Variants in PRELID2 observed in about 807,000 individuals in gnomAD.
PRELID2 encodes PRELI domain containing 2.
PRELID2 carries 25 observed loss-of-function variants against 28.4 expected under a neutral mutation model. The ratio of observed to expected loss-of-function variants is 0.88; its 90% CI spans 0.64 to 1.23. PRELID2 has a LOEUF of 1.23. Among genes scored for constraint, PRELID2 ranks in the 50% most tolerant of loss-of-function variants. PRELID2 has a pLI of 0.00. For missense variants in PRELID2, 201 were observed against 214.4 expected (o/e 0.94, Z 0.39); for synonymous variants, 76 against 71.6 (o/e 1.06, Z -0.31).
At chr5:145,320,931 C>T in the PRELID2 span, among the ~76,000 whole-genome samples, 10 of 152,232 alleles carry the variant, frequency 6.6e-5, no homozygotes, top group South Asian at 1.5e-3. Flanking sequence ...ATATGCTCAG[C>T]GTAGTACTAA....
chr5:145,377,255 G>T, the PRELID2 span, among the ~76,000 whole-genome samples: 2 of 152,098 alleles, frequency 1.3e-5, no homozygotes, highest in Non-Finnish European at 2.9e-5. Flanking sequence ...CTGACAGATT[G>T]TTTGTTATGA....
intron 1 of PRELID2, among the ~76,000 whole-genome samples, chr5:145,476,710 TA>T (rs1752105512): frequency 1.3e-5 from 2 of 152,192 alleles, no homozygotes; most frequent in African/African-American, 4.8e-5. Context: ...CTTGCAATTT[TA>T]AAAAAGAATG....
intron 5 of PRELID2, among the ~76,000 whole-genome samples, chr5:145,771,932 C>T (rs866856923): frequency 3.9e-5 from 6 of 151,914 alleles, no homozygotes; most frequent in Non-Finnish European, 8.8e-5. Context: ...GAGGAAAGGG[C>T]GAAGGGATCT....
the PRELID2 span, among the ~76,000 whole-genome samples, chr5:145,369,591 T>G: frequency 6.6e-6 from 1 of 152,174 alleles, no homozygotes; most frequent in East Asian, 1.9e-4. Flanking sequence ...TATATGTGAA[T>G]GCATCTTTAT....
the PRELID2 span, among the ~76,000 whole-genome samples, chr5:145,337,355 C>A: frequency 6.6e-6 from 1 of 151,458 alleles, no homozygotes. Context: ...CCACACACAC[C>A]AACCAATTTT....
intron 4 of PRELID2, among the ~76,000 whole-genome samples, chr5:145,805,522 C>T (rs340034): frequency 0.027 from 4,073 of 152,130 alleles, 184 homozygotes; most frequent in African/African-American, 0.094. Context: ...CCCAGGGATA[C>T]AAAACTAGAA....
At chr5:145,396,595 T>C in the PRELID2 span, among the ~76,000 whole-genome samples, 1 of 152,070 alleles carries the variant, frequency 6.6e-6, no homozygotes, top group African/African-American at 2.4e-5. Flanking sequence ...TTGCCAAGCC[T>C]TGAACTAGAC....
chr5:145,487,588 G>C (rs973436974), intron 1 of PRELID2, among the ~76,000 whole-genome samples: 1 of 152,108 alleles, frequency 6.6e-6, no homozygotes, highest in Non-Finnish European at 1.5e-5. Flanking sequence ...TGATGAGTTG[G>C]AGAGGGTCAT....
intron 1 of PRELID2, among the ~76,000 whole-genome samples, chr5:145,610,331 AG>A (rs1225477262): frequency 6.6e-6 from 1 of 152,148 alleles, no homozygotes; most frequent in African/African-American, 2.4e-5. Flanking sequence ...ATCCGCCTGC[AG>A]GGTTAGTGTT....
At chr5:145,431,274 C>T in the PRELID2 span, among the ~76,000 whole-genome samples, 9 of 151,870 alleles carry the variant, frequency 5.9e-5, no homozygotes, top group Admixed American at 5.9e-4. Context: ...GTTCTAGAAA[C>T]ATGTTTCAGC....
intron 1 of PRELID2, among the ~76,000 whole-genome samples, chr5:145,632,144 C>A (rs1753941808): frequency 6.6e-6 from 1 of 152,140 alleles, no homozygotes; most frequent in African/African-American, 2.4e-5. Context: ...ATCCATTGTT[C>A]TGCCTCAAAC....
At chr5:145,597,859 C>T (rs943141631) in intron 1 of PRELID2, among the ~76,000 whole-genome samples, 1 of 152,098 alleles carries the variant, frequency 6.6e-6, no homozygotes, top group African/African-American at 2.4e-5. Context: ...CAATGAATTG[C>T]ATTGAGTAAG....
chr5:145,252,268 T>C, the PRELID2 span, among the ~76,000 whole-genome samples: 3 of 152,134 alleles, frequency 2.0e-5, no homozygotes, highest in Non-Finnish European at 4.4e-5. Context: ...TCGTCTATTA[T>C]GCTTGCTAAA....
At chr5:145,597,953 C>G (rs1163657633) in intron 1 of PRELID2, among the ~76,000 whole-genome samples, 1 of 152,058 alleles carries the variant, frequency 6.6e-6, no homozygotes, top group Non-Finnish European at 1.5e-5. Context: ...AACTATGCAT[C>G]AAAACCAGAT....
the PRELID2 span, among the ~76,000 whole-genome samples, chr5:145,282,505 G>A: frequency 1.3e-5 from 2 of 151,442 alleles, no homozygotes; most frequent in African/African-American, 4.9e-5. Flanking sequence ...TGACTTCTGA[G>A]ACAGCTCTTC....
chr5:145,568,484 A>G lies in PRELID2; in HGVS notation n.71-95169T>C, dbSNP rs569174551. Among the ~76,000 whole-genome samples, 14 of 152,368 alleles carry G rather than the reference A, an allele frequency of 9.2e-5. No individual in the cohort carries two copies. In the East Asian group the frequency reaches 1.7e-3, roughly 19 times the overall value. On this transcript the variant is annotated intron_variant and non_coding_transcript_variant, in intron 1 of 2. Transcript: ENST00000510259. Reference sequence around the variant, plus strand: ...CTAATTAGATCAGCGATCATAATGGAAAAACTTGCTTCAGGAGGAACTTGC... The same window carrying G: ...CTAATTAGATCAGCGATCATAATGGGAAAACTTGCTTCAGGAGGAACTTGC...
At chr5:145,307,678 C>T in the PRELID2 span, among the ~76,000 whole-genome samples, 1 of 152,094 alleles carries the variant, frequency 6.6e-6, no homozygotes, top group African/African-American at 2.4e-5. Flanking sequence ...ATGGAGCCCA[C>T]CAGTTTGGCT....
the PRELID2 span, among the ~76,000 whole-genome samples, chr5:145,299,550 A>G: frequency 1.8e-3 from 271 of 151,912 alleles, no homozygotes; most frequent in African/African-American, 6.1e-3. Flanking sequence ...TGCACTGTGT[A>G]TGTCCTGACA....
the PRELID2 span, among the ~76,000 whole-genome samples, chr5:145,456,110 G>T: frequency 1.3e-5 from 2 of 152,174 alleles, no homozygotes; most frequent in African/African-American, 4.8e-5. Context: ...GCTACTAAAG[G>T]TGACTGGTCT....
Sources: allele counts gnomAD v4.1 joint callset (sites outside exome capture counted in the v4.1 genomes callset), GRCh38; gene constraint gnomAD v4.1.1; transcripts MANE v1.5; gene names NCBI Gene and HGNC (gene_info 2026-07-23, HGNC 2026-07-21).